The following CPNE4 variants were observed in gnomAD, a reference collection of about 807,000 sequenced individuals.
CPNE4 encodes the protein copine 4, also known as copine-4.
Under a neutral mutation model 67.9 loss-of-function variants are expected in CPNE4, and 25 were observed. That is an observed-to-expected ratio of 0.37 (90% CI 0.27 to 0.51). CPNE4 has a LOEUF of 0.51. CPNE4 is among the 20% of genes least tolerant of loss of function. The pLI is 0.93. For missense variants in CPNE4, 464 were observed against 690.8 expected (o/e 0.67, Z 3.68); for synonymous variants, 242 against 244.9 (o/e 0.99, Z 0.11).
chr3:131,960,124 G>GAGGGAGGGAGGAC (rs1310725347), intron 1 of CPNE4, among the ~76,000 whole-genome samples: 1 of 151,740 alleles, frequency 6.6e-6, no homozygotes, highest in African/African-American at 2.4e-5. Flanking sequence ...AAAGAGTGGA[G>GAGGGAGGGAGGAC]AGGGAGGGAG....
intron 2 of CPNE4, among the ~76,000 whole-genome samples, chr3:131,772,721 T>C (rs2083198466): frequency 6.6e-6 from 1 of 152,130 alleles, no homozygotes; most frequent in South Asian, 2.1e-4. Flanking sequence ...TGTCATTTAA[T>C]ATTAGCACAT....
At chr3:131,739,618 T>A (rs1335897097) in intron 2 of CPNE4, among the ~76,000 whole-genome samples, 2 of 152,144 alleles carry the variant, frequency 1.3e-5, no homozygotes, top group African/African-American at 4.8e-5. Context: ...ACATGGAAAT[T>A]TAAGGATTAT....
At chr3:131,726,256 C>T (rs1197588457) in intron 2 of CPNE4, among the ~76,000 whole-genome samples, 1 of 152,208 alleles carries the variant, frequency 6.6e-6, no homozygotes, top group Non-Finnish European at 1.5e-5. Context: ...TCTTGATTTT[C>T]CAGTGGCATT....
intron 7 of CPNE4, among the ~76,000 whole-genome samples, chr3:131,604,472 G>A (rs1939388847): frequency 6.6e-6 from 1 of 152,056 alleles, no homozygotes; most frequent in Non-Finnish European, 1.5e-5. Context: ...TGTTGCTAAA[G>A]GAGATTAACA....
intron 1 of CPNE4, among the ~76,000 whole-genome samples, chr3:131,951,501 A>G (rs560300643): frequency 6.6e-6 from 1 of 151,790 alleles, no homozygotes; most frequent in Non-Finnish European, 1.5e-5. Context: ...TCCCCTTAGA[A>G]TTCCTTCTTC....
chr3:131,986,843 C>CA (rs373656375), intron 1 of CPNE4, among the ~76,000 whole-genome samples: 13,568 of 92,028 alleles, frequency 0.15, 680 homozygotes, highest in Middle Eastern at 0.19. Context: ...AAAAAAAAAA[C>CA]AAAAAAAAAC....
chr3:131,967,624 T>C (rs1218115818), intron 1 of CPNE4, among the ~76,000 whole-genome samples: 1 of 152,112 alleles, frequency 6.6e-6, no homozygotes, highest in African/African-American at 2.4e-5. Context: ...CCATTCACAA[T>C]TGCTACAAAT....
intron 8 of CPNE4, 86 bp downstream of exon 8, chr3:131,587,398 T>C (rs372211720): frequency 1.0e-4 from 84 of 827,900 alleles, no homozygotes; most frequent in African/African-American, 6.7e-4. Flanking sequence ...CATTGATGTT[T>C]TGCCTCTTGC....
intron 5 of CPNE4, among the ~76,000 whole-genome samples, chr3:131,689,629 G>A (rs1011290925): frequency 5.3e-5 from 8 of 152,088 alleles, no homozygotes; most frequent in African/African-American, 1.9e-4. Context: ...GGCAAAAGCT[G>A]GAAGCATTCT....
intron 2 of CPNE4, among the ~76,000 whole-genome samples, chr3:131,854,395 AT>A (rs2086356646): frequency 6.6e-6 from 1 of 151,846 alleles, no homozygotes; most frequent in Non-Finnish European, 1.5e-5. Context: ...GCATGAAAAG[AT>A]TTACTTGGGT....
intron 1 of CPNE4, among the ~76,000 whole-genome samples, chr3:131,940,859 A>T (rs911190473): frequency 6.6e-6 from 1 of 152,092 alleles, no homozygotes; most frequent in Non-Finnish European, 1.5e-5. Flanking sequence ...TTAGCAGAAT[A>T]ATAGTAAGTA....
At chr3:131,883,607 G>A (rs1164646815) in intron 2 of CPNE4, among the ~76,000 whole-genome samples, 1 of 152,088 alleles carries the variant, frequency 6.6e-6, no homozygotes, top group East Asian at 1.9e-4. Context: ...TGCCTAAAAA[G>A]CCCTACATAA....
At chr3:131,545,435 CT>C in intron 14 of CPNE4, among the ~76,000 whole-genome samples, 1 of 152,216 alleles carries the variant, frequency 6.6e-6, no homozygotes, top group East Asian at 1.9e-4. Flanking sequence ...TCACTAATCT[CT>C]AAGTAAAATT....
chr3:131,555,594 A>G, intron 11 of CPNE4, 43 bp from the exon 12 acceptor site: 3 of 1,533,818 alleles, frequency 2.0e-6, no homozygotes, highest in African/African-American at 2.7e-5. Context: ...AAGTTGCTTC[A>G]TTTATTCATT....
intron 2 of CPNE4, among the ~76,000 whole-genome samples, chr3:131,752,382 G>A (rs1177624219): frequency 6.6e-6 from 1 of 152,074 alleles, no homozygotes; most frequent in East Asian, 1.9e-4. Context: ...CTGGTCCTTT[G>A]GGTAGGGAGA....
intron 1 of CPNE4, among the ~76,000 whole-genome samples, chr3:132,011,016 G>A (rs1037796394): frequency 2.6e-5 from 4 of 152,196 alleles, no homozygotes; most frequent in Admixed American, 2.0e-4. Flanking sequence ...TCCAAGGCTA[G>A]AAAATAGCTT....
rs1232984187 is a variant in CPNE4, at chr3:131,977,992, C to A, written c.-2+56575G>T. Among the ~76,000 whole-genome samples the A allele has an allele frequency of 2.1e-5, 3 of 141,522 alleles. No individual in the cohort carries two copies. In the East Asian group the frequency reaches 6.0e-4, roughly 28 times the overall value. The allele number at this position is 141,522 out of a possible 152,430, so 92.8% of individuals were successfully genotyped here. Reference sequence around the variant, plus strand: ...TAATAGCCTTTAATCTCATCCAGGTCACTGCAAATGCTATTAATTCATTCC... The same window carrying A: ...TAATAGCCTTTAATCTCATCCAGGTAACTGCAAATGCTATTAATTCATTCC... On this transcript the variant is annotated intron_variant, in intron 1 of 15. Transcript: ENST00000429747.
At chr3:131,914,433 G>A (rs1275216341) in intron 1 of CPNE4, among the ~76,000 whole-genome samples, 1 of 151,900 alleles carries the variant, frequency 6.6e-6, no homozygotes, top group African/African-American at 2.4e-5. Context: ...TTCTCTCTAA[G>A]TCCTTTAGAT....
intron 1 of CPNE4, among the ~76,000 whole-genome samples, chr3:131,926,635 G>A (rs1321534515): frequency 6.6e-6 from 1 of 152,106 alleles, no homozygotes; most frequent in African/African-American, 2.4e-5. Context: ...ACACTTTGAT[G>A]TTCAGCTATT....
Sources: gnomAD v4.1 joint callset for allele counts (sites outside exome capture counted in the v4.1 genomes callset) on GRCh38, gnomAD v4.1.1 for gene constraint, MANE v1.5 for transcripts, NCBI Gene and HGNC (gene_info 2026-07-23, HGNC 2026-07-21) for gene names.